The following ADARB1 variants were observed in gnomAD, a reference collection of about 807,000 sequenced individuals.
ADARB1 encodes adenosine deaminase RNA specific B1.
Under a neutral mutation model 52.4 loss-of-function variants are expected in ADARB1, and 10 were observed. That is an observed-to-expected ratio of 0.19 (90% CI 0.12 to 0.32). The LOEUF (loss-of-function observed/expected upper bound fraction) is 0.32, where lower values mean the gene tolerates loss of function less well. ADARB1 is among the 10% of genes least tolerant of loss of function. ADARB1 has a pLI of 1.00. For synonymous variants in ADARB1, 349 were observed against 371.1 expected (o/e 0.94, Z 0.68); for missense variants, 643 against 922.3 (o/e 0.70, Z 3.92).
intron 2 of ADARB1, among the ~76,000 whole-genome samples, chr21:45,129,702 G>C (rs1284939028): frequency 6.6e-6 from 1 of 152,296 alleles, no homozygotes; most frequent in African/African-American, 2.4e-5. Flanking sequence ...GGACAGATGG[G>C]AGTGGCTGGT....
chr21:45,099,263 A>C (rs1447277335), intron 1 of ADARB1, among the ~76,000 whole-genome samples: 1 of 152,126 alleles, frequency 6.6e-6, no homozygotes, highest in East Asian at 1.9e-4. Context: ...GAGAGCAGCA[A>C]TTTCATTATT....
At chr21:45,109,272 G>GTATATGTGTGTGCA (rs2087416734) in intron 1 of ADARB1, among the ~76,000 whole-genome samples, 1 of 149,634 alleles carries the variant, frequency 6.7e-6, no homozygotes, top group Non-Finnish European at 1.5e-5. Flanking sequence ...TGTGCACTGC[G>GTATATGTGTGTGCA]CGCGTGTGCG....
intron 2 of ADARB1, among the ~76,000 whole-genome samples, chr21:45,168,482 TAA>T (rs1239810709): frequency 6.6e-6 from 1 of 152,228 alleles, no homozygotes; most frequent in African/African-American, 2.4e-5. Flanking sequence ...TATTTTGAGT[TAA>T]GTTTTGAATA....
intron 2 of ADARB1, among the ~76,000 whole-genome samples, chr21:45,156,189 C>G (rs2090596290): frequency 6.6e-6 from 1 of 152,192 alleles, no homozygotes; most frequent in Non-Finnish European, 1.5e-5. Flanking sequence ...CCATCATCAC[C>G]CATCATCTGT....
At chr21:45,112,329 G>A (rs1003989171) in intron 1 of ADARB1, among the ~76,000 whole-genome samples, 9 of 152,028 alleles carry the variant, frequency 5.9e-5, no homozygotes, top group East Asian at 5.8e-4. Flanking sequence ...TTTTTTATTC[G>A]GTGTAAAGAG....
At position 45,107,108 on chromosome 21, in the gene ADARB1, G is replaced by A. The variant is rs567618928; in HGVS notation, c.-219-21294G>A. Among the ~76,000 whole-genome samples, 196 of 152,272 alleles carry A rather than the reference G, an allele frequency of 1.3e-3. 1 individual carries two copies. The highest frequency in any genetic ancestry group is 3.1e-3 in the Admixed American group (47 of 15,296). ...ACAAAAATAATCAGAAGATATTATG[G>A]AAGAGACAACCCCATTAACAATAGC... On this transcript the variant is annotated intron_variant, in intron 1 of 10. Transcript: ENST00000348831.
rs112180369 is a variant in ADARB1 at position 45,224,844 on chromosome 21, C to G, written c.*2647C>G. The G allele has an allele frequency of 0.011, 10,507 of 985,722 alleles. 63 individuals carry two copies. Among genetic ancestry groups the G allele is most frequent in the Non-Finnish European group, 0.012 (9,951 of 829,910 alleles). 61.1% of individuals were successfully genotyped at this position (985,722 alleles called of 1,614,324 possible). A position where few individuals can be genotyped will look rare whatever the true frequency, so the allele number is the denominator to read the frequency against. ...ACAAAATACAGAACGCTGACTCCTC[C>G]GTGAGACAGATCGGGGACCTTAGCA... On this transcript the variant is annotated 3_prime_UTR_variant, in exon 11 of 11. Transcript: ENST00000348831.
rs112028161 is a variant in ADARB1, at chr21:45,151,224, G to A, written c.-47-20386G>A. Among the ~76,000 whole-genome samples, 374 of 152,330 alleles carry A rather than the reference G, an allele frequency of 2.5e-3. 3 individuals are homozygous for A. The highest frequency in any genetic ancestry group is 8.2e-3 in the African/African-American group (341 of 41,576). The stretch of plus-strand genomic sequence containing the variant: ...TCTGCCGCTACTAGGAGAAAGTGCA[G>A]CTCATATTCCAGATAGATGCTGAGG... On this transcript the variant is annotated intron_variant, in intron 2 of 10. Coordinates refer to ENST00000348831, the MANE Select transcript of ADARB1 (RefSeq NM_001112.4).
intron 2 of ADARB1, among the ~76,000 whole-genome samples, chr21:45,163,137 G>A (rs2091067234): frequency 1.3e-5 from 2 of 152,246 alleles, no homozygotes; most frequent in Admixed American, 1.3e-4. Context: ...TGTTAATGAG[G>A]ATTGTACTAA....
chr21:45,143,645 C>T (rs183572250), intron 2 of ADARB1, among the ~76,000 whole-genome samples: 8,123 of 152,250 alleles, frequency 0.053, 286 homozygotes, highest in Middle Eastern at 0.11. Flanking sequence ...ACCTCCGTCT[C>T]CTCTCACTCT....
intron 2 of ADARB1, among the ~76,000 whole-genome samples, chr21:45,131,642 G>C (rs148593499): frequency 1.4e-3 from 212 of 152,336 alleles, no homozygotes; most frequent in African/African-American, 4.5e-3. Flanking sequence ...TGTGCACAGT[G>C]TGGTGTGGCC....
chr21:45,105,803 C>T (rs907404275), intron 1 of ADARB1, among the ~76,000 whole-genome samples: 2 of 152,208 alleles, frequency 1.3e-5, no homozygotes, highest in African/African-American at 4.8e-5. Context: ...AAACATGATT[C>T]GTCTGTCTGT....
intron 1 of ADARB1, among the ~76,000 whole-genome samples, chr21:45,127,472 G>T (rs8134889): frequency 0.066 from 10,000 of 152,244 alleles, 399 homozygotes; most frequent in East Asian, 0.15. Context: ...CTGTGTCTTA[G>T]GTCTGTCCCA....
intron 8 of ADARB1, among the ~76,000 whole-genome samples, chr21:45,198,136 A>G (rs117314199): frequency 6.6e-6 from 1 of 152,354 alleles, no homozygotes; most frequent in East Asian, 1.9e-4. Context: ...ATAAGTTAGA[A>G]GGATGCAAAC....
chr21:45,126,165 C>T (rs557529752), intron 1 of ADARB1, among the ~76,000 whole-genome samples: 4 of 152,306 alleles, frequency 2.6e-5, no homozygotes, highest in African/African-American at 4.8e-5. Flanking sequence ...CATGGTATTA[C>T]GATCAGAGGA....
At chr21:45,216,220 C>T (rs1263580281) in intron 9 of ADARB1, among the ~76,000 whole-genome samples, 4 of 151,954 alleles carry the variant, frequency 2.6e-5, no homozygotes, top group African/African-American at 9.7e-5. Flanking sequence ...TCTGATCAGT[C>T]TAGCTGGAAG....
rs781597184 is a variant in ADARB1, at chr21:45,225,503, A to G, written c.*3306A>G. ...TTTATCTCCAGGCTGTGGAATCGCCACTTTCTTTGTGAAGACAGTGTCTCT... is the reference window on the plus strand; with the variant it reads ...TTTATCTCCAGGCTGTGGAATCGCCGCTTTCTTTGTGAAGACAGTGTCTCT... On this transcript the variant is annotated 3_prime_UTR_variant, in exon 11 of 11. Coordinates refer to ENST00000348831, the MANE Select transcript of ADARB1 (RefSeq NM_001112.4). 2 of 1,317,580 alleles carry G rather than the reference A, an allele frequency of 1.5e-6. No individual in the cohort carries two copies. The highest frequency in any genetic ancestry group is 1.5e-5 in the African/African-American group (1 of 66,442). The allele number at this position is 1,317,580 out of a possible 1,614,324, so 81.6% of individuals were successfully genotyped here.
Position 45,223,362 on chromosome 21 carries a change from C to G in ADARB1, c.*1165C>G, listed in dbSNP as rs2146478349. 1.0e-6 allele frequency: 1 copy of G among 985,572 alleles called. No individual in the cohort carries two copies. 61.1% of individuals were successfully genotyped at this position (985,572 alleles called of 1,614,324 possible). A position where few individuals can be genotyped will look rare whatever the true frequency, so the allele number is the denominator to read the frequency against. On this transcript the variant is annotated 3_prime_UTR_variant, in exon 11 of 11. Transcript: ENST00000348831. Reference sequence around the variant, plus strand: ...GTCCTGACGGGAGCTCAGGGCTGCCCAGCGCCCAGCGTGCACGGGACGGCC... The same window carrying G: ...GTCCTGACGGGAGCTCAGGGCTGCCGAGCGCCCAGCGTGCACGGGACGGCC...
chr21:45,213,180 A>G (rs1335589064), intron 9 of ADARB1, among the ~76,000 whole-genome samples: 1 of 152,212 alleles, frequency 6.6e-6, no homozygotes, highest in Non-Finnish European at 1.5e-5. Context: ...GTAGGATTCA[A>G]TGTGCTTATT....
Sources: gnomAD v4.1 joint callset for allele counts (sites outside exome capture counted in the v4.1 genomes callset) on GRCh38, gnomAD v4.1.1 for gene constraint, MANE v1.5 for transcripts, NCBI Gene and HGNC (gene_info 2026-07-23, HGNC 2026-07-21) for gene names.